The following KIAA0586 variants were observed in gnomAD, a reference collection of about 807,000 sequenced individuals.
KIAA0586 encodes protein TALPID3.
A neutral mutation model predicts 169.8 loss-of-function variants in KIAA0586; 144 were observed. The observed-to-expected ratio is 0.85, with a 90% CI of 0.74 to 0.97. The LOEUF is 0.97. KIAA0586 is among the 50% of genes least tolerant of loss of function. KIAA0586 has a pLI of 0.00. For synonymous variants in KIAA0586, 625 were observed against 612.4 expected (o/e 1.02, Z -0.30); for missense variants, 1,854 against 1,823.0 (o/e 1.02, Z -0.31).
the KIAA0586 span, among the ~76,000 whole-genome samples, chr14:58,561,952 A>G: frequency 2.6e-5 from 4 of 152,184 alleles, no homozygotes; most frequent in Non-Finnish European, 5.9e-5. Context: ...ATGAAAGGCA[A>G]CCCTTTTCAT....
At chr14:58,482,802 G>A in intron 21 of KIAA0586, 90 bp downstream of exon 21, 3 of 918,020 alleles carry the variant, frequency 3.3e-6, no homozygotes, top group South Asian at 2.3e-5. Context: ...TGTGGTAGAA[G>A]TATTATTATC....
chr14:58,470,419 CAT>C (rs2041117914), intron 16 of KIAA0586, among the ~76,000 whole-genome samples, 192 bp from the exon 17 acceptor site: 1 of 151,922 alleles, frequency 6.6e-6, no homozygotes. Flanking sequence ...CTTTATTTTT[CAT>C]ATTTTATAAA....
At chr14:58,516,170 C>T (rs200858908) in intron 29 of KIAA0586, among the ~76,000 whole-genome samples, 3 of 152,070 alleles carry the variant, frequency 2.0e-5, no homozygotes, top group African/African-American at 7.2e-5. Flanking sequence ...GAGTTCACAC[C>T]CACTTGTAGG....
At chr14:58,482,458 G>C in intron 20 of KIAA0586, 55 bp from the exon 21 acceptor site, 1 of 1,198,572 alleles carries the variant, frequency 8.3e-7, no homozygotes, top group Non-Finnish European at 1.1e-6. Context: ...ATGAAAGTTT[G>C]AATTGCAAGC....
chr14:58,482,506 C>A lies in KIAA0586; in HGVS notation c.2945-7C>A. The A allele has an allele frequency of 2.8e-6, 4 of 1,426,626 alleles. No homozygotes were observed. The highest frequency in any genetic ancestry group is 3.7e-6 in the Non-Finnish European group (4 of 1,080,418). The allele number at this position is 1,426,626 out of a possible 1,614,324, so 88.4% of individuals were successfully genotyped here. A position where few individuals can be genotyped will look rare whatever the true frequency, so the allele number is the denominator to read the frequency against. ...CACTTATTCTGATTTTTTTTTTTTACTTTTAGTGGAAGGAACAAGCAGTGG... is the reference window on the plus strand; with the variant it reads ...CACTTATTCTGATTTTTTTTTTTTAATTTTAGTGGAAGGAACAAGCAGTGG... On this transcript the variant is annotated splice_polypyrimidine_tract_variant and splice_region_variant and intron_variant, in intron 20 of 30. Coordinates refer to ENST00000652326, the MANE Select transcript of KIAA0586 (RefSeq NM_001329943.3).
At chr14:58,434,299 A>C (rs764344695) in intron 4 of KIAA0586, among the ~76,000 whole-genome samples, 5 of 152,234 alleles carry the variant, frequency 3.3e-5, no homozygotes, top group Non-Finnish European at 4.4e-5. Flanking sequence ...AGAAATCTAG[A>C]TGAAAGAAAT....
intron 29 of KIAA0586, among the ~76,000 whole-genome samples, chr14:58,531,338 A>T (rs12892725): frequency 0.29 from 43,267 of 146,966 alleles, 6,322 homozygotes; most frequent in East Asian, 0.42. Flanking sequence ...AAAAAAAAAA[A>T]AAATAAAATA....
intron 21 of KIAA0586, among the ~76,000 whole-genome samples, chr14:58,484,910 A>ATT (rs1392605713): frequency 2.0e-4 from 5 of 25,042 alleles, no homozygotes; most frequent in Non-Finnish European, 3.9e-4. Flanking sequence ...ATATATATAT[A>ATT]TATATATATA....
At chr14:58,493,765 A>C (rs1446175267) in intron 26 of KIAA0586, among the ~76,000 whole-genome samples, 3 of 152,176 alleles carry the variant, frequency 2.0e-5, no homozygotes, top group Non-Finnish European at 2.9e-5. Context: ...TAAATTCAAA[A>C]ACATACTCTC....
rs754567597 is a variant in KIAA0586 at position 58,488,724 on chromosome 14, A to C, written c.3631A>C (p.Lys1211Gln). 3.1e-6 allele frequency: 5 copies of C among 1,613,846 alleles called. No individual in the cohort carries two copies. The highest frequency in any genetic ancestry group is 4.2e-6 in the Non-Finnish European group (5 of 1,179,852). Residue 1211 changes from lysine (K) to glutamine (Q), a missense_variant, in exon 24 of 31, where the codon AAG becomes CAG. By Grantham distance (53) the Lys-to-Gln change is moderately conservative. Transcript: ENST00000652326. The stretch of plus-strand genomic sequence containing the variant: ...CTTTATGCCATTTCCTGCCGGCACC[A>C]AGGCCCCTTCCCCCTCACAGATGCC... The part of the protein sequence containing the change: ...VPFMPFPAGT[K>Q]APSPSQMPGS...
chr14:58,533,652 G>T (rs1234710447), intron 29 of KIAA0586, among the ~76,000 whole-genome samples: 1 of 152,076 alleles, frequency 6.6e-6, no homozygotes, highest in East Asian at 1.9e-4. Context: ...GACACTTCAG[G>T]GCCCCACGCT....
intron 4 of KIAA0586, among the ~76,000 whole-genome samples, chr14:58,436,657 G>T (rs1566779996): frequency 6.6e-6 from 1 of 152,088 alleles, no homozygotes; most frequent in African/African-American, 2.4e-5. Flanking sequence ...GTGCCTGTGT[G>T]TATACTGTAT....
chr14:58,508,521 T>C (rs1488755779), intron 27 of KIAA0586, 34 bp from the exon 28 acceptor site: 3 of 1,484,118 alleles, frequency 2.0e-6, no homozygotes, highest in African/African-American at 2.8e-5. Context: ...TTTAACACTT[T>C]ATTTTAACTT....
chr14:58,528,283 TAGAC>T (rs1466068768), intron 29 of KIAA0586, among the ~76,000 whole-genome samples: 2 of 152,082 alleles, frequency 1.3e-5, no homozygotes, highest in Admixed American at 6.5e-5. Context: ...CTGTCAATAT[TAGAC>T]AGAACAATGA....
downstream of KIAA0586, among the ~76,000 whole-genome samples, chr14:58,553,791 G>A (rs1270225189): frequency 2.6e-5 from 4 of 152,094 alleles, no homozygotes; most frequent in Admixed American, 1.3e-4. Flanking sequence ...TTCCAATAAC[G>A]TTCTAATGCA....
At chr14:58,451,919 G>A (rs1036899352) in intron 8 of KIAA0586, among the ~76,000 whole-genome samples, 6 of 152,126 alleles carry the variant, frequency 3.9e-5, no homozygotes, top group East Asian at 3.9e-4. Context: ...TCCTGACCTC[G>A]TGATCCACCC....
At chr14:58,436,352 GA>G (rs911574289) in intron 4 of KIAA0586, among the ~76,000 whole-genome samples, 169 of 143,574 alleles carry the variant, frequency 1.2e-3, no homozygotes, top group African/African-American at 3.3e-3. Context: ...TGTCCCCACC[GA>G]AAAAAAAAAA....
chr14:58,466,170 C>G (rs1337430542), intron 15 of KIAA0586, 141 bp downstream of exon 15: 2 of 587,632 alleles, frequency 3.4e-6, no homozygotes, highest in East Asian at 5.9e-5. Flanking sequence ...CCCACCTCAA[C>G]CTCTCAAAGT....
chr14:58,427,734 C>T lies in KIAA0586; in HGVS notation c.-531C>T. On this transcript the variant is annotated 5_prime_UTR_variant, in exon 1 of 31. Transcript: ENST00000652326. ...GGCAACTGACGCTGTTGTCAGATTA[C>T]ACCCACGACGGTGCGGGTCTCGGGC... 6.5e-7 allele frequency: 1 copy of T among 1,534,242 alleles called. No homozygotes were observed. Among genetic ancestry groups the T allele is most frequent in the Non-Finnish European group, 8.7e-7 (1 of 1,146,572 alleles).
Sources: gnomAD v4.1 joint callset for allele counts (sites outside exome capture counted in the v4.1 genomes callset) on GRCh38, gnomAD v4.1.1 for gene constraint, MANE v1.5 for transcripts, NCBI Gene and HGNC (gene_info 2026-07-23, HGNC 2026-07-21) for gene names.